The following SLC41A2 variants were observed in gnomAD, a reference collection of about 807,000 sequenced individuals.
SLC41A2 encodes solute carrier family 41 member 2, also known as SLC41A1-like 1.
A neutral mutation model predicts 58.3 loss-of-function variants in SLC41A2; 32 were observed. That is an observed-to-expected ratio of 0.55 (90% CI 0.41 to 0.74). The LOEUF is 0.74. Among genes scored for constraint, SLC41A2 ranks in the 30% least tolerant of loss-of-function variants. The pLI, the probability that SLC41A2 is intolerant of heterozygous loss-of-function variation, is 0.00. For synonymous variants in SLC41A2, 190 were observed against 235.0 expected (o/e 0.81, Z 1.75); for missense variants, 514 against 680.6 (o/e 0.76, Z 2.72).
At chr12:104,853,926 T>TTTTTTTTTTTTTTTTTTTTTA (rs2042918454) in intron 8 of SLC41A2, among the ~76,000 whole-genome samples, 1 of 118,850 alleles carries the variant, frequency 8.4e-6, no homozygotes, top group African/African-American at 3.1e-5. Flanking sequence ...TTTTTTTTTT[T>TTTTTTTTTTTTTTTTTTTTTA]TTTTTTTTTT....
intron 7 of SLC41A2, among the ~76,000 whole-genome samples, chr12:104,864,617 T>C (rs1191856972): frequency 6.6e-6 from 1 of 152,172 alleles, no homozygotes; most frequent in Non-Finnish European, 1.5e-5. Context: ...ATTATTTATT[T>C]GAGAATTTTC....
At position 104,909,644 on chromosome 12, in the gene SLC41A2, A is replaced by C; in HGVS notation, c.663+11T>G. ...GGTAATACACATAATTTGAGGTAGG[A>C]AAAAACTTACTGCAGTGGATAATCT... On this transcript the variant is annotated intron_variant, in intron 3 of 10. Coordinates refer to ENST00000258538, the MANE Select transcript of SLC41A2 (RefSeq NM_001352171.3). 2 of 1,582,616 alleles carry C rather than the reference A, an allele frequency of 1.3e-6. No individual in the cohort carries two copies. The highest frequency in any genetic ancestry group is 8.6e-7 in the Non-Finnish European group (1 of 1,158,150).
At position 104,933,875 on chromosome 12, in the gene SLC41A2, T is replaced by C. The variant is rs372557571; in HGVS notation, c.-167-5181A>G. Among the ~76,000 whole-genome samples, 19 of 152,116 alleles carry C rather than the reference T, an allele frequency of 1.2e-4. No individual in the cohort carries two copies. The East Asian group carries it at 2.9e-3, about 23-fold the overall frequency. On this transcript the variant is annotated intron_variant, in intron 1 of 10. Transcript: ENST00000258538. ...TTAAGTGGGAGCTAAGTTATGGGTA[T>C]GCAAAGGCATACAGAGTGGTATAAT...
At chr12:104,894,037 G>A (rs901570044) in intron 4 of SLC41A2, among the ~76,000 whole-genome samples, 1 of 152,112 alleles carries the variant, frequency 6.6e-6, no homozygotes, top group African/African-American at 2.4e-5. Context: ...TAAATGCTGG[G>A]GGGATGGATA....
chr12:104,876,109 A>G (rs2044028913), intron 6 of SLC41A2, among the ~76,000 whole-genome samples: 1 of 151,606 alleles, frequency 6.6e-6, no homozygotes, highest in Non-Finnish European at 1.5e-5. Flanking sequence ...GATCTTTTTT[A>G]TTTCTGAGGT....
rs756875809 is a variant in SLC41A2 at position 104,928,039 on chromosome 12, T to A, written c.489A>T (p.Ile163=). 6.2e-6 allele frequency: 10 copies of A among 1,613,958 alleles called. No individual in the cohort carries two copies. The East Asian group carries it at 2.2e-4, about 36-fold the overall frequency. ...AACCAGCTAGCAAAAAGGGCACAAGTATTTGCAATGCCATGATGCCACTGG... is the reference window on the plus strand; with the variant it reads ...AACCAGCTAGCAAAAAGGGCACAAGAATTTGCAATGCCATGATGCCACTGG... ...KESSGIMALQ[I]LVPFLLAGFG... Residue 163 remains isoleucine (I), a synonymous_variant, in exon 2 of 11, where the codon ATA becomes ATT. Transcript: ENST00000258538.
At chr12:104,855,378 A>T (rs75849381) in intron 8 of SLC41A2, among the ~76,000 whole-genome samples, 1,592 of 152,278 alleles carry the variant, frequency 0.01, 30 homozygotes, top group African/African-American at 0.036. Context: ...TTCCTTCGCT[A>T]TCAGAGTGAC....
chr12:104,924,741 T>G (rs2046761134), intron 2 of SLC41A2, among the ~76,000 whole-genome samples: 2 of 149,572 alleles, frequency 1.3e-5, no homozygotes, highest in Admixed American at 1.3e-4. Context: ...TGAAACTCTG[T>G]CTCAAAAAAA....
chr12:104,891,037 G>T (rs993519458), intron 4 of SLC41A2, among the ~76,000 whole-genome samples: 1 of 152,104 alleles, frequency 6.6e-6, no homozygotes. Flanking sequence ...ACAAGTGTTA[G>T]CAGAAGAAGC....
At chr12:104,874,218 C>T (rs906971121) in intron 6 of SLC41A2, among the ~76,000 whole-genome samples, 4 of 151,864 alleles carry the variant, frequency 2.6e-5, no homozygotes, top group South Asian at 2.1e-4. Context: ...GGACTACAGG[C>T]GCCTGCCACC....
intron 10 of SLC41A2, among the ~76,000 whole-genome samples, chr12:104,831,949 G>C (rs2042052393): frequency 6.6e-6 from 1 of 152,250 alleles, no homozygotes; most frequent in South Asian, 2.1e-4. Flanking sequence ...CCAGGCAGAG[G>C]GTTGGGTGCT....
intron 3 of SLC41A2, among the ~76,000 whole-genome samples, chr12:104,899,592 G>A (rs2045460944): frequency 6.6e-6 from 1 of 152,108 alleles, no homozygotes; most frequent in Non-Finnish European, 1.5e-5. Context: ...TTCTGTACCT[G>A]TGCAGTTTAA....
At chr12:104,906,868 C>T (rs1037172323) in intron 3 of SLC41A2, among the ~76,000 whole-genome samples, 5 of 152,114 alleles carry the variant, frequency 3.3e-5, no homozygotes, top group Non-Finnish European at 4.4e-5. Flanking sequence ...CCTCAGATTC[C>T]GATATGGCTG....
chr12:104,943,352 C>T (rs2047584841), intron 1 of SLC41A2, among the ~76,000 whole-genome samples: 1 of 152,038 alleles, frequency 6.6e-6, no homozygotes, highest in South Asian at 2.1e-4. Context: ...CTGGGGCCTC[C>T]TCAGCCAATG....
At chr12:104,906,292 A>G (rs1022578095) in intron 3 of SLC41A2, among the ~76,000 whole-genome samples, 1 of 152,190 alleles carries the variant, frequency 6.6e-6, no homozygotes, top group Non-Finnish European at 1.5e-5. Flanking sequence ...AGGTATCTCA[A>G]GTTAGTGTTC....
intron 8 of SLC41A2, among the ~76,000 whole-genome samples, chr12:104,856,669 T>A (rs1016293002): frequency 1.3e-5 from 2 of 152,186 alleles, no homozygotes; most frequent in Admixed American, 6.5e-5. Context: ...GGAATTGTAA[T>A]GGAATAGTAT....
intron 1 of SLC41A2, among the ~76,000 whole-genome samples, chr12:104,930,350 G>C (rs1011654733): frequency 1.3e-5 from 2 of 152,220 alleles, no homozygotes; most frequent in African/African-American, 2.4e-5. Context: ...CCCCGAAAGA[G>C]AGAAAAGGGC....
chr12:104,867,390 AG>A (rs2043520613), intron 6 of SLC41A2, among the ~76,000 whole-genome samples: 1 of 152,088 alleles, frequency 6.6e-6, no homozygotes, highest in Non-Finnish European at 1.5e-5. Flanking sequence ...ATGCAGAATA[AG>A]TACTTTTTAA....
At chr12:104,817,918 G>C (rs771342710) in intron 10 of SLC41A2, among the ~76,000 whole-genome samples, 2 of 151,972 alleles carry the variant, frequency 1.3e-5, no homozygotes, top group Non-Finnish European at 2.9e-5. Context: ...GTCTGTTATT[G>C]ACCAAAACCT....
Sources: gnomAD v4.1 joint callset for allele counts (sites outside exome capture counted in the v4.1 genomes callset) on GRCh38, gnomAD v4.1.1 for gene constraint, MANE v1.5 for transcripts, NCBI Gene and HGNC (gene_info 2026-07-23, HGNC 2026-07-21) for gene names.